The following ITGA6 variants were observed in gnomAD, a reference collection of about 807,000 sequenced individuals.
ITGA6 encodes the protein integrin alpha-6.
Under a neutral mutation model 133.6 loss-of-function variants are expected in ITGA6, and 63 were observed. That is an observed-to-expected ratio of 0.47 (90% confidence interval 0.38 to 0.58). The LOEUF (loss-of-function observed/expected upper bound fraction) is 0.58, where lower values mean the gene tolerates loss of function less well. Among genes scored for constraint, ITGA6 ranks in the 20% least tolerant of loss-of-function variants. ITGA6 has a pLI of 0.00. For missense variants in ITGA6, 1,068 were observed against 1,309.4 expected (o/e 0.82, Z 2.85); for synonymous variants, 434 against 482.0 (o/e 0.90, Z 1.30).
intron 23 of ITGA6, among the ~76,000 whole-genome samples, chr2:172,492,337 T>A (rs1242311867): frequency 1.3e-5 from 2 of 152,248 alleles, no homozygotes; most frequent in African/African-American, 4.8e-5. Context: ...GGTGTTTTCA[T>A]CAGAATTTGT....
rs1389900241 is a variant in ITGA6 at position 172,491,622 on chromosome 2, C to T, written c.2988+99C>T. The stretch of plus-strand genomic sequence containing the variant: ...GTCATGTGCTTTGGTGCTCATTTCC[C>T]TCATAGCCCCATTACGGAGAAAACT... On this transcript the variant is annotated intron_variant, in intron 23 of 25. Transcript: ENST00000684293. The surrounding 1 kb of genome is among the most constrained non-coding windows in gnomAD (Gnocchi z 4.4). 6.4e-6 allele frequency: 5 copies of T among 780,828 alleles called. No individual in the cohort carries two copies. The highest frequency in any genetic ancestry group is 1.1e-5 in the Non-Finnish European group (5 of 448,914). The allele number at this position is 780,828 out of a possible 1,614,324, so 48.4% of individuals were successfully genotyped here. A position where few individuals can be genotyped will look rare whatever the true frequency, so the allele number is the denominator to read the frequency against.
At position 172,500,642 on chromosome 2, in the gene ITGA6, G is replaced by T. The variant is rs544282230; in HGVS notation, c.3115-1130G>T. On this transcript the variant is annotated intron_variant, in intron 24 of 25. Coordinates refer to ENST00000684293, the MANE Select transcript of ITGA6 (RefSeq NM_000210.4). ...GAGACTCTGTCTCAAAAAAAGGAAA[G>T]AATGTTGCCAAGTTGGAGGCAGGAC... Among the ~76,000 whole-genome samples the T allele has an allele frequency of 1.2e-4, 18 of 152,262 alleles. No individual in the cohort carries two copies. In the South Asian group the frequency reaches 3.5e-3, roughly 30 times the overall value.
rs1195123982 is a variant in ITGA6 at position 172,504,554 on chromosome 2, T to G, written c.*486T>G. The G allele has an allele frequency of 8.1e-6, 2 of 247,406 alleles. No individual in the cohort carries two copies. Among genetic ancestry groups the G allele is most frequent in the East Asian group, 1.0e-4 (1 of 10,010 alleles). 15.3% of individuals were successfully genotyped at this position (247,406 alleles called of 1,614,324 possible). On this transcript the variant is annotated 3_prime_UTR_variant, in exon 26 of 26. Coordinates refer to ENST00000684293, the MANE Select transcript of ITGA6 (RefSeq NM_000210.4). ...TGTGTTGGGGAAGGGCCTGCCCAGTTGCACTCAGGTGACATCCTCCAGATA... is the reference window on the plus strand; with the variant it reads ...TGTGTTGGGGAAGGGCCTGCCCAGTGGCACTCAGGTGACATCCTCCAGATA...
intron 1 of ITGA6, among the ~76,000 whole-genome samples, chr2:172,444,252 G>C (rs1348913872): frequency 6.6e-6 from 1 of 152,218 alleles, no homozygotes; most frequent in South Asian, 2.1e-4. Flanking sequence ...TTATGGAGCA[G>C]AAAAGAAGAT....
chr2:172,486,194 A>C (rs1559148187), intron 13 of ITGA6, among the ~76,000 whole-genome samples: 1 of 151,328 alleles, frequency 6.6e-6, no homozygotes, highest in Non-Finnish European at 1.5e-5. Context: ...AAAAAAAAAA[A>C]AAACAACTAA....
chr2:172,505,587 T>TTAA lies in ITGA6; in HGVS notation c.*1521_*1523dup, dbSNP rs1341806457. On this transcript the variant is annotated 3_prime_UTR_variant, in exon 26 of 26. Coordinates refer to ENST00000684293, the MANE Select transcript of ITGA6 (RefSeq NM_000210.4). The stretch of plus-strand genomic sequence containing the variant: ...GAATAGATATGAAAGCTGATTTTTT[T>TTAA]TAATTACCATGCTTCACAATGTTAA... 1.3e-5 allele frequency: 2 copies of TTAA among 152,608 alleles called. No individual in the cohort carries two copies. The highest frequency in any genetic ancestry group is 2.4e-5 in the African/African-American group (1 of 41,444). The allele number at this position is 152,608 out of a possible 1,614,324, so 9.5% of individuals were successfully genotyped here.
At chr2:172,489,271 C>G (rs1686820600) in intron 19 of ITGA6, among the ~76,000 whole-genome samples, 1 of 152,212 alleles carries the variant, frequency 6.6e-6, no homozygotes, top group African/African-American at 2.4e-5. Flanking sequence ...AGTTAGCTAT[C>G]AGTTGTCCTT....
intron 2 of ITGA6, among the ~76,000 whole-genome samples, chr2:172,466,786 T>A (rs1685694065): frequency 1.3e-5 from 2 of 148,668 alleles, no homozygotes; most frequent in South Asian, 4.3e-4. Flanking sequence ...TAAAGTTGTT[T>A]AATGTTTTTG....
intron 1 of ITGA6, among the ~76,000 whole-genome samples, chr2:172,444,100 C>T (rs1274825511): frequency 6.6e-6 from 1 of 152,136 alleles, no homozygotes; most frequent in Non-Finnish European, 1.5e-5. Context: ...CCTTGCAACA[C>T]CCTATGAGAA....
intron 5 of ITGA6, 64 bp downstream of exon 5, chr2:172,471,169 C>T (rs1034174401): frequency 1.0e-5 from 16 of 1,592,778 alleles, no homozygotes; most frequent in Middle Eastern, 1.8e-4. Flanking sequence ...GAAACTCCCT[C>T]GCAGGGCCTA....
At chr2:172,462,367 C>T (rs908184058) in intron 1 of ITGA6, among the ~76,000 whole-genome samples, 5 of 152,182 alleles carry the variant, frequency 3.3e-5, no homozygotes, top group African/African-American at 4.8e-5. Flanking sequence ...AGGCTGAGCT[C>T]GCCCAGAGGC....
chr2:172,478,380 G>A (rs750804182), intron 9 of ITGA6, among the ~76,000 whole-genome samples: 2 of 152,170 alleles, frequency 1.3e-5, no homozygotes, highest in Non-Finnish European at 2.9e-5. Context: ...CTCCAGAATG[G>A]CTGGGTTTAC....
chr2:172,435,407 G>T (rs1393686894), intron 1 of ITGA6, among the ~76,000 whole-genome samples: 1 of 151,986 alleles, frequency 6.6e-6, no homozygotes, highest in African/African-American at 2.4e-5. Context: ...CCTCTTACTG[G>T]CAGTGTGATT....
rs201956085 is a variant in ITGA6 at position 172,427,787 on chromosome 2, C to T, written c.-2C>T. Reference sequence around the variant, plus strand: ...CCCGCTCCCCTCCCCGTGCGTCCGCCCATGGCCGCCGCCGGGCAGCTGTGC... The same window carrying T: ...CCCGCTCCCCTCCCCGTGCGTCCGCTCATGGCCGCCGCCGGGCAGCTGTGC... On this transcript the variant is annotated 5_prime_UTR_variant, in exon 1 of 26. Transcript: ENST00000684293. 8.2e-5 allele frequency: 131 copies of T among 1,590,494 alleles called. No homozygotes were observed. In the East Asian group the frequency reaches 3.0e-3, roughly 36 times the overall value.
At chr2:172,450,025 A>G (rs1684922521) in intron 1 of ITGA6, among the ~76,000 whole-genome samples, 2 of 151,992 alleles carry the variant, frequency 1.3e-5, no homozygotes, top group African/African-American at 4.8e-5. Context: ...AGTGTTCGGA[A>G]CCAAAGGAAG....
chr2:172,427,542 GCGTCCT>G (rs201818324), upstream of ITGA6: 3,622 of 1,177,498 alleles, frequency 3.1e-3, 75 homozygotes, highest in African/African-American at 0.046. Context: ...GGCGGGGCCG[GCGTCCT>G]CGTCACTTGA....
intron 1 of ITGA6, among the ~76,000 whole-genome samples, chr2:172,433,990 G>T (rs1415617171): frequency 6.6e-6 from 1 of 152,108 alleles, no homozygotes; most frequent in African/African-American, 2.4e-5. Flanking sequence ...CACCTGTCTG[G>T]TTTCCAGGCC....
At chr2:172,442,949 G>C (rs1392312622) in intron 1 of ITGA6, among the ~76,000 whole-genome samples, 3 of 151,814 alleles carry the variant, frequency 2.0e-5, no homozygotes, top group Non-Finnish European at 4.4e-5. Context: ...TCCATGGACT[G>C]ACCTCCATTT....
intron 1 of ITGA6, 152 bp downstream of exon 1, chr2:172,428,122 C>T (rs772209335): frequency 1.1e-5 from 7 of 614,106 alleles, no homozygotes; most frequent in Non-Finnish European, 1.6e-5. Context: ...CCAGCGCGCT[C>T]GGCTCCCCGC....
Sources: allele counts gnomAD v4.1 joint callset (sites outside exome capture counted in the v4.1 genomes callset), GRCh38; gene constraint gnomAD v4.1.1; non-coding constraint Gnocchi (gnomAD v3.1); transcripts MANE v1.5; gene names NCBI Gene and HGNC (gene_info 2026-07-23, HGNC 2026-07-21).